MED13: variants seen among roughly 807,000 people sequenced by gnomAD.
MED13 encodes the protein mediator of RNA polymerase II transcription subunit 13.
MED13 carries 23 observed loss-of-function variants against 225.2 expected under a neutral mutation model. The ratio of observed to expected loss-of-function variants is 0.10; its 90% CI spans 0.07 to 0.14. The LOEUF is 0.14. Among genes scored for constraint, MED13 ranks in the 10% least tolerant of loss-of-function variants. The pLI is 1.00. For missense variants in MED13, 2,197 were observed against 2,594.5 expected (o/e 0.85, Z 3.33); for synonymous variants, 942 against 889.2 (o/e 1.06, Z -1.06).
chr17:61,993,449 G>A (rs890155376), intron 10 of MED13, among the ~76,000 whole-genome samples: 3 of 149,374 alleles, frequency 2.0e-5, no homozygotes, highest in African/African-American at 7.4e-5. Context: ...TGATCTGCCC[G>A]CCTCAGCCTC....
At chr17:61,969,670 CCACT>C (rs771354825) in intron 17 of MED13, among the ~76,000 whole-genome samples, 7 of 152,050 alleles carry the variant, frequency 4.6e-5, no homozygotes, top group Non-Finnish European at 8.8e-5. Flanking sequence ...GGTGCGATCT[CCACT>C]CACTCCAACC....
intron 16 of MED13, among the ~76,000 whole-genome samples, chr17:61,980,962 G>T (rs1406192963): frequency 5.9e-5 from 9 of 151,746 alleles, no homozygotes; most frequent in Admixed American, 5.9e-4. Context: ...CTGGCCTCAT[G>T]ATCTGCCCAC....
intron 7 of MED13, 68 bp from the exon 8 acceptor site, chr17:62,029,719 G>A: frequency 1.3e-6 from 2 of 1,526,356 alleles, no homozygotes; most frequent in Non-Finnish European, 1.8e-6. Flanking sequence ...ATGTAGCATT[G>A]AAATTAATTT....
At chr17:61,949,319 G>A (rs1424435244) in intron 28 of MED13, among the ~76,000 whole-genome samples, 1 of 151,880 alleles carries the variant, frequency 6.6e-6, no homozygotes, top group Admixed American at 6.6e-5. Flanking sequence ...TCAACCTCTT[G>A]TGCTCATGCG....
intron 11 of MED13, among the ~76,000 whole-genome samples, chr17:61,989,503 TA>T (rs2080277149): frequency 6.6e-6 from 1 of 152,166 alleles, no homozygotes; most frequent in African/African-American, 2.4e-5. Context: ...CACACCTGGC[TA>T]ATTTTGTATT....
chr17:61,970,695 A>AC (rs1043594218), intron 17 of MED13, among the ~76,000 whole-genome samples: 1 of 148,078 alleles, frequency 6.8e-6, no homozygotes, highest in African/African-American at 2.5e-5. Context: ...AAAAAAAAAA[A>AC]AAAAAAAAGG....
At chr17:61,986,289 G>A (rs1423910880) in intron 12 of MED13, among the ~76,000 whole-genome samples, 5 of 152,110 alleles carry the variant, frequency 3.3e-5, no homozygotes, top group Non-Finnish European at 7.4e-5. Context: ...AGATATATAT[G>A]TTGAGAGAGG....
At chr17:61,992,503 G>T in intron 11 of MED13, 37 bp downstream of exon 11, 1 of 1,300,646 alleles carries the variant, frequency 7.7e-7, no homozygotes, top group Non-Finnish European at 1.1e-6. Flanking sequence ...TAACAATCCT[G>T]GAATGCAATA....
At chr17:62,010,254 A>G (rs991001285) in intron 9 of MED13, among the ~76,000 whole-genome samples, 1 of 151,992 alleles carries the variant, frequency 6.6e-6, no homozygotes, top group Non-Finnish European at 1.5e-5. Context: ...GGACAGTGGA[A>G]GGAAGACTGG....
Position 61,945,231 on chromosome 17 carries a change from A to T in MED13, c.*1237T>A, listed in dbSNP as rs1267627963. 2 of 152,154 alleles carry T rather than the reference A, an allele frequency of 1.3e-5. No individual in the cohort carries two copies. Among genetic ancestry groups the T allele is most frequent in the African/African-American group, 4.8e-5 (2 of 41,450 alleles). 9.4% of individuals were successfully genotyped at this position (152,154 alleles called of 1,614,324 possible). On this transcript the variant is annotated 3_prime_UTR_variant, in exon 30 of 30. Coordinates refer to ENST00000397786, the MANE Select transcript of MED13 (RefSeq NM_005121.3). ...CCACAGTTTGATTGCGCGCACACAC[A>T]CACACCCATACATATGCATACTCTC...
intron 3 of MED13, among the ~76,000 whole-genome samples, chr17:62,039,959 T>C (rs1401591062): frequency 6.6e-6 from 1 of 151,942 alleles, no homozygotes. Context: ...GCAGTGGCTA[T>C]TCACAGGCAC....
At chr17:62,019,436 T>C (rs1452649916) in intron 8 of MED13, among the ~76,000 whole-genome samples, 4 of 152,246 alleles carry the variant, frequency 2.6e-5, no homozygotes, top group Middle Eastern at 3.2e-3. Context: ...TTTTTAAGAC[T>C]GTAAATAAGT....
chr17:62,043,754 A>C (rs1362865226), intron 3 of MED13, among the ~76,000 whole-genome samples: 1 of 152,252 alleles, frequency 6.6e-6, no homozygotes, highest in Non-Finnish European at 1.5e-5. Context: ...TACAAAAAGT[A>C]AACTATTTCA....
At chr17:62,003,796 C>T (rs140327708) in intron 9 of MED13, 1 of 152,136 alleles carries the variant, frequency 6.6e-6, no homozygotes, top group African/African-American at 2.4e-5. Flanking sequence ...ATTTCCTTAA[C>T]TTACATAATT....
intron 23 of MED13, among the ~76,000 whole-genome samples, chr17:61,958,568 A>G (rs1352261801): frequency 6.6e-6 from 1 of 151,708 alleles, no homozygotes; most frequent in Non-Finnish European, 1.5e-5. Flanking sequence ...TGATCTCTTG[A>G]CCTCGTGACC....
intron 26 of MED13, among the ~76,000 whole-genome samples, chr17:61,954,989 T>C (rs1285668380): frequency 6.6e-6 from 1 of 152,204 alleles, no homozygotes; most frequent in African/African-American, 2.4e-5. Context: ...AATCAGGATG[T>C]TGGCAAGGCT....
At chr17:62,052,742 A>C in intron 2 of MED13, 37 bp from the exon 3 acceptor site, 1 of 1,482,832 alleles carries the variant, frequency 6.7e-7, no homozygotes, top group Non-Finnish European at 9.1e-7. Flanking sequence ...AAATAGTGAC[A>C]CTATAATCTA....
intron 2 of MED13, among the ~76,000 whole-genome samples, chr17:62,060,249 C>T (rs1229827982): frequency 3.3e-5 from 5 of 151,858 alleles, no homozygotes; most frequent in African/African-American, 1.2e-4. Flanking sequence ...GCTGAGATTG[C>T]GCCACTGCAC....
At chr17:61,970,728 T>TTTG (rs200495558) in intron 17 of MED13, among the ~76,000 whole-genome samples, 156 of 141,658 alleles carry the variant, frequency 1.1e-3, no homozygotes, top group Non-Finnish European at 2.1e-3. Flanking sequence ...TTATTTAGGT[T>TTTG]TTTTTTTTTT....
Sources: gnomAD v4.1 joint callset for allele counts (sites outside exome capture counted in the v4.1 genomes callset) on GRCh38, gnomAD v4.1.1 for gene constraint, MANE v1.5 for transcripts, NCBI Gene and HGNC (gene_info 2026-07-23, HGNC 2026-07-21) for gene names.